Variants in DLGAP2 observed in about 807,000 individuals in gnomAD.
The protein encoded by DLGAP2 is DLG associated protein 2.
A neutral mutation model predicts 100.3 loss-of-function variants in DLGAP2; 26 were observed. That is an observed-to-expected ratio of 0.26 (90% confidence interval 0.19 to 0.36). DLGAP2 has a LOEUF of 0.36. Among genes scored for constraint, DLGAP2 ranks in the 10% least tolerant of loss-of-function variants. DLGAP2 has a pLI of 1.00. For synonymous variants in DLGAP2, 886 were observed against 630.1 expected (o/e 1.41, Z -6.08); for missense variants, 1,858 against 1,453.2 (o/e 1.28, Z -4.53).
At chr8:1,141,078 G>C (rs1796512967) in intron 2 of DLGAP2, among the ~76,000 whole-genome samples, 1 of 152,176 alleles carries the variant, frequency 6.6e-6, no homozygotes, top group Non-Finnish European at 1.5e-5. Context: ...GTTGAGTTCA[G>C]GACTCTGCTG....
chr8:1,188,640 A>C (rs144629426), intron 2 of DLGAP2, among the ~76,000 whole-genome samples: 10 of 152,240 alleles, frequency 6.6e-5, no homozygotes, highest in Admixed American at 1.3e-4. Context: ...AGCTCCTCCC[A>C]ATAGAACAGC....
At chr8:1,408,347 C>A (rs928066925) in intron 3 of DLGAP2, among the ~76,000 whole-genome samples, 1 of 152,192 alleles carries the variant, frequency 6.6e-6, no homozygotes, top group Non-Finnish European at 1.5e-5. Context: ...CTCGGGGAGG[C>A]GTCTGTGTTC....
At chr8:851,280 G>C (rs573954254) in intron 1 of DLGAP2, among the ~76,000 whole-genome samples, 2 of 152,198 alleles carry the variant, frequency 1.3e-5, no homozygotes, top group South Asian at 2.1e-4. Flanking sequence ...TGTGAGTACA[G>C]TCTGATGTTC....
At chr8:891,988 A>G (rs1484352868) in intron 1 of DLGAP2, among the ~76,000 whole-genome samples, 5 of 152,258 alleles carry the variant, frequency 3.3e-5, no homozygotes, top group Non-Finnish European at 5.9e-5. Context: ...GTAAGTGTGC[A>G]TGAGTCAGTG....
intron 2 of DLGAP2, among the ~76,000 whole-genome samples, chr8:1,153,545 G>A (rs1183005110): frequency 6.6e-6 from 1 of 152,078 alleles, no homozygotes; most frequent in East Asian, 1.9e-4. Flanking sequence ...GGTGCCCACC[G>A]AGTTAATTAA....
rs1214971154 is a variant in DLGAP2 at position 988,379 on chromosome 8, C to T, written c.73+80413C>T. Among the ~76,000 whole-genome samples the T allele has an allele frequency of 3.9e-5, 6 of 152,212 alleles. No homozygotes were observed. In the East Asian group the frequency reaches 1.2e-3, roughly 29 times the overall value. On this transcript the variant is annotated intron_variant, in intron 2 of 14. Coordinates refer to ENST00000637795, the MANE Select transcript of DLGAP2 (RefSeq NM_001346810.2). ...AAAGTGTCATTCTTTATTCTTCTCT[C>T]CGAAGCTGCAGGTAACACTCAGCCT...
chr8:1,606,168 A>C (rs1796790416), intron 6 of DLGAP2, among the ~76,000 whole-genome samples: 1 of 152,158 alleles, frequency 6.6e-6, no homozygotes, highest in African/African-American at 2.4e-5. Flanking sequence ...ATTTGCTTCA[A>C]GTCTACATTC....
intron 2 of DLGAP2, among the ~76,000 whole-genome samples, chr8:1,062,176 T>G (rs185317587): frequency 6.6e-6 from 1 of 152,148 alleles, no homozygotes; most frequent in Non-Finnish European, 1.5e-5. Context: ...CCTCTCCTGC[T>G]CTGCACCAAG....
At chr8:1,023,114 T>C (rs565623087) in intron 2 of DLGAP2, among the ~76,000 whole-genome samples, 1 of 152,374 alleles carries the variant, frequency 6.6e-6, no homozygotes, top group African/African-American at 2.4e-5. Context: ...TCCCCAGGCA[T>C]TGGCGTGATG....
At chr8:896,305 T>A (rs1798140121) in intron 1 of DLGAP2, among the ~76,000 whole-genome samples, 1 of 151,390 alleles carries the variant, frequency 6.6e-6, no homozygotes, top group African/African-American at 2.4e-5. Context: ...GATGCAGGTT[T>A]GGAGGAGAGG....
chr8:1,021,929 T>C (rs1397684646), intron 2 of DLGAP2, among the ~76,000 whole-genome samples: 5 of 152,134 alleles, frequency 3.3e-5, no homozygotes, highest in African/African-American at 1.2e-4. Flanking sequence ...GGGAGCATCT[T>C]CTCTCTTGAT....
chr8:892,054 G>A lies in DLGAP2; in HGVS notation c.19-15858G>A, dbSNP rs149251522. Among the ~76,000 whole-genome samples, 119 of 152,360 alleles carry A rather than the reference G, an allele frequency of 7.8e-4. 1 individual carries two copies. The highest frequency in any genetic ancestry group is 2.8e-3 in the African/African-American group (116 of 41,592). On this transcript the variant is annotated intron_variant, in intron 1 of 14. Transcript: ENST00000637795. ...GCCACTGTCAAAACCGCAGATAATA[G>A]CAAGTGTTGGGAGGATGTGGAGGAA...
intron 2 of DLGAP2, among the ~76,000 whole-genome samples, chr8:955,576 C>T (rs765899070): frequency 1.3e-5 from 2 of 152,140 alleles, no homozygotes; most frequent in African/African-American, 2.4e-5. Context: ...TTGCTGCACA[C>T]GGATGTTACT....
intron 1 of DLGAP2, among the ~76,000 whole-genome samples, chr8:750,139 C>G (rs771552760): frequency 6.6e-6 from 1 of 152,242 alleles, no homozygotes; most frequent in Non-Finnish European, 1.5e-5. Flanking sequence ...TTTCCTGGGT[C>G]TCCCTAGGGC....
Position 1,698,514 on chromosome 8 carries a change from A to G in DLGAP2, c.2949+1215A>G, listed in dbSNP as rs1213356110. Among the ~76,000 whole-genome samples, 292 of 140,022 alleles carry G rather than the reference A, an allele frequency of 2.1e-3. 1 individual carries two copies. Among genetic ancestry groups the G allele is most frequent in the African/African-American group, 8.2e-3 (279 of 34,066 alleles). The allele number at this position is 140,022 out of a possible 152,430, so 91.9% of individuals were successfully genotyped here. ...CTAGGCAGGTCCACGTAAGCCACAC[A>G]TGGGACAGGTCCATGTAAGCCATGC... On this transcript the variant is annotated intron_variant, in intron 14 of 14. Transcript: ENST00000637795.
chr8:1,188,112 G>A (rs1390957767), intron 2 of DLGAP2, among the ~76,000 whole-genome samples: 10 of 133,988 alleles, frequency 7.5e-5, no homozygotes, highest in South Asian at 2.4e-4. Flanking sequence ...CGGGACCTCC[G>A]TGACATTTGC....
At chr8:1,147,324 G>T (rs983678229) in intron 2 of DLGAP2, among the ~76,000 whole-genome samples, 1 of 152,006 alleles carries the variant, frequency 6.6e-6, no homozygotes, top group Non-Finnish European at 1.5e-5. Flanking sequence ...TATTGCTATT[G>T]TATGGAAATA....
chr8:1,337,111 G>C (rs1215958452), intron 3 of DLGAP2, among the ~76,000 whole-genome samples: 1 of 152,000 alleles, frequency 6.6e-6, no homozygotes, highest in East Asian at 1.9e-4. Context: ...AGAAGAAATA[G>C]ATAATGATGA....
At chr8:1,179,496 C>T (rs1269827446) in intron 2 of DLGAP2, among the ~76,000 whole-genome samples, 2 of 152,258 alleles carry the variant, frequency 1.3e-5, no homozygotes, top group East Asian at 1.9e-4. Context: ...ACGTGGCTGC[C>T]CCACAGGCAC....
Sources: allele counts gnomAD v4.1 joint callset (sites outside exome capture counted in the v4.1 genomes callset), GRCh38; gene constraint gnomAD v4.1.1; transcripts MANE v1.5; gene names NCBI Gene and HGNC (gene_info 2026-07-23, HGNC 2026-07-21).